IGSF10: variants seen among roughly 807,000 people sequenced by gnomAD.
IGSF10 encodes immunoglobulin superfamily member 10, also known as calvaria mechanical force protein 608.
IGSF10 carries 126 observed loss-of-function variants against 128.2 expected under a neutral mutation model. That is an observed-to-expected ratio of 0.98 (90% CI 0.85 to 1.14). The LOEUF is 1.14. Ranked by LOEUF, IGSF10 falls within the 50% of genes most tolerant of loss-of-function variation. The pLI is 0.00. For synonymous variants in IGSF10, 1,185 were observed against 1,146.2 expected, an observed-to-expected ratio of 1.03 and a Z score of -0.68; for missense variants, 3,295 against 3,149.8, an observed-to-expected ratio of 1.05 and a Z score of -1.10.
At chr3:151,456,424 T>A (rs1238625742) in intron 4 of IGSF10, among the ~76,000 whole-genome samples, 2 of 152,248 alleles carry the variant, frequency 1.3e-5, no homozygotes, top group Non-Finnish European at 2.9e-5. Flanking sequence ...ATGTCATGTA[T>A]TGTTAGCGTC....
chr3:151,450,316 T>C (rs537297359), intron 5 of IGSF10, among the ~76,000 whole-genome samples: 3 of 152,358 alleles, frequency 2.0e-5, no homozygotes, highest in East Asian at 1.9e-4. Flanking sequence ...GTAGCTCTTA[T>C]ATGATGCACT....
At chr3:151,452,638 TATG>T (rs1422539244) in intron 5 of IGSF10, among the ~76,000 whole-genome samples, 1 of 152,068 alleles carries the variant, frequency 6.6e-6, no homozygotes, top group East Asian at 1.9e-4. Flanking sequence ...TAAATGCATA[TATG>T]ATGTGTTTTT....
At chr3:151,481,346 G>A in the IGSF10 span, among the ~76,000 whole-genome samples, 1 of 152,160 alleles carries the variant, frequency 6.6e-6, no homozygotes, top group Admixed American at 6.5e-5. Flanking sequence ...TACCCGCAGG[G>A]TCCAAGCAAC....
At chr3:151,500,474 C>T in the IGSF10 span, among the ~76,000 whole-genome samples, 43 of 152,122 alleles carry the variant, frequency 2.8e-4, no homozygotes, top group Non-Finnish European at 5.3e-4. Context: ...AGCTCAGATA[C>T]ATCTGCTTAC....
At chr3:151,538,739 C>A in the IGSF10 span, among the ~76,000 whole-genome samples, 2 of 152,140 alleles carry the variant, frequency 1.3e-5, no homozygotes, top group Non-Finnish European at 2.9e-5. Flanking sequence ...CCAAGTCTAG[C>A]GCAGTGTCTG....
At chr3:151,514,052 T>C in the IGSF10 span, among the ~76,000 whole-genome samples, 3 of 151,846 alleles carry the variant, frequency 2.0e-5, no homozygotes. Context: ...CTGCCCAAGG[T>C]AATTTATAGA....
rs867831283 is a variant in IGSF10 at position 151,438,797 on chromosome 3, G to C, written c.5964-200C>G. Among the ~76,000 whole-genome samples, 5 of 143,988 alleles carry C rather than the reference G, an allele frequency of 3.5e-5. No homozygotes were observed. The South Asian group carries it at 8.8e-4, about 25-fold the overall frequency. 94.5% of individuals were successfully genotyped at this position (143,988 alleles called of 152,430 possible). ...TGTGTGTATATATATACACATATTT[G>C]AGATATATATATATATACATTTTGA... On this transcript the variant is annotated intron_variant, in intron 7 of 7. Coordinates refer to ENST00000282466, the MANE Select transcript of IGSF10 (RefSeq NM_178822.5).
the IGSF10 span, among the ~76,000 whole-genome samples, chr3:151,555,805 G>T: frequency 2.0e-4 from 30 of 152,156 alleles, no homozygotes; most frequent in African/African-American, 7.0e-4. Context: ...AGAGCACGCA[G>T]CCCCCCATGT....
downstream of IGSF10, chr3:151,434,219 TCTA>T (rs1033971935): frequency 2.6e-4 from 39 of 152,344 alleles, no homozygotes; most frequent in South Asian, 1.4e-3. Flanking sequence ...ACCATGTAAA[TCTA>T]CTTTTTTTAA....
chr3:151,538,832 AC>A, the IGSF10 span, among the ~76,000 whole-genome samples: 1 of 152,204 alleles, frequency 6.6e-6, no homozygotes, highest in South Asian at 2.1e-4. Flanking sequence ...GACCCTTAAA[AC>A]CATTATAATT....
the IGSF10 span, among the ~76,000 whole-genome samples, chr3:151,586,551 T>C: frequency 4.6e-5 from 7 of 152,196 alleles, no homozygotes; most frequent in South Asian, 2.1e-4. Context: ...GAAATAGTAC[T>C]TAATTAGGGC....
chr3:151,458,547 T>A lies in IGSF10; in HGVS notation c.163A>T (p.Ile55Phe). 6.2e-7 allele frequency: 1 copy of A among 1,614,076 alleles called. No homozygotes were observed. The change falls in exon 3 of 8, where the codon ATC (isoleucine) becomes TTC (phenylalanine). Residue 55 changes from isoleucine (I) to phenylalanine (F), a missense_variant. Transcript: ENST00000282466. ...TTGATGCGTTCCACATTGGGCGGGA[T>A]GCTGTCTGGGATGGAAGTCAGGTAC... ...FRYLTSIPDS[I>F]PPNVERINLG...
At chr3:151,537,087 T>A in the IGSF10 span, among the ~76,000 whole-genome samples, 1 of 152,162 alleles carries the variant, frequency 6.6e-6, no homozygotes, top group Non-Finnish European at 1.5e-5. Flanking sequence ...GGATTTAATA[T>A]GGGGGGACTG....
intron 5 of IGSF10, among the ~76,000 whole-genome samples, chr3:151,451,019 A>C (rs1721486728): frequency 1.3e-5 from 2 of 152,052 alleles, no homozygotes; most frequent in African/African-American, 4.8e-5. Flanking sequence ...GGCTTAATGA[A>C]ACCTCATCAT....
chr3:151,564,792 T>C, the IGSF10 span, among the ~76,000 whole-genome samples: 1 of 152,136 alleles, frequency 6.6e-6, no homozygotes, highest in Admixed American at 6.6e-5. Context: ...GTGAATCAAT[T>C]ACAAGAGGTA....
At chr3:151,455,688 A>G (rs1721758757) in intron 4 of IGSF10, among the ~76,000 whole-genome samples, 1 of 152,226 alleles carries the variant, frequency 6.6e-6, no homozygotes, top group Admixed American at 6.5e-5. Context: ...TACTGTATAC[A>G]TGCACAACGC....
rs1325242513 is a variant in IGSF10 at position 151,439,549 on chromosome 3, G to A, written c.5964-952C>T. Among the ~76,000 whole-genome samples the A allele has an allele frequency of 2.7e-5, 4 of 148,598 alleles. No homozygotes were observed. The East Asian group carries it at 7.9e-4, about 29-fold the overall frequency. On this transcript the variant is annotated intron_variant, in intron 7 of 7. Coordinates refer to ENST00000282466, the MANE Select transcript of IGSF10 (RefSeq NM_178822.5). ...GAATCGCTTGAACCCAGGAGGCTGG[G>A]GTTGCAGTGAGCCGAGATCACACCA... is the stretch of plus-strand genomic sequence containing the variant.
At chr3:151,490,534 A>G in the IGSF10 span, among the ~76,000 whole-genome samples, 2 of 151,934 alleles carry the variant, frequency 1.3e-5, no homozygotes, top group Non-Finnish European at 2.9e-5. Context: ...AAAAGACCTA[A>G]CAGACTATTT....
At chr3:151,483,479 T>G in the IGSF10 span, among the ~76,000 whole-genome samples, 1 of 152,108 alleles carries the variant, frequency 6.6e-6, no homozygotes, top group Admixed American at 6.5e-5. Context: ...TAGAAAATTA[T>G]CAAATCACAA....
Sources: allele counts gnomAD v4.1 joint callset (sites outside exome capture counted in the v4.1 genomes callset), GRCh38; gene constraint gnomAD v4.1.1; transcripts MANE v1.5; gene names NCBI Gene and HGNC (gene_info 2026-07-23, HGNC 2026-07-21).